Variants in ARMC9 observed in about 807,000 individuals in gnomAD.
ARMC9 encodes lisH domain-containing protein ARMC9.
Under a neutral mutation model 107.0 loss-of-function variants are expected in ARMC9, and 94 were observed. That is an observed-to-expected ratio of 0.88 (90% CI 0.74 to 1.04). The LOEUF (loss-of-function observed/expected upper bound fraction) is 1.04. ARMC9 is among the 50% of genes least tolerant of loss of function. The pLI is 0.00. For missense variants in ARMC9, 942 were observed against 1,030.1 expected (o/e 0.91, Z 1.17); for synonymous variants, 380 against 396.9 (o/e 0.96, Z 0.51).
At chr2:231,344,847 T>A in intron 20 of ARMC9, 128 bp from the exon 21 acceptor site, 1 of 973,576 alleles carries the variant, frequency 1.0e-6, no homozygotes, top group Non-Finnish European at 1.6e-6. Flanking sequence ...TGTGACATGA[T>A]CCTTCCTCAT....
At chr2:231,211,210 C>T (rs1574597043) in intron 3 of ARMC9, among the ~76,000 whole-genome samples, 1 of 152,050 alleles carries the variant, frequency 6.6e-6, no homozygotes, top group South Asian at 2.1e-4. Flanking sequence ...TTGCTTCCAC[C>T]TCTTGGCTAT....
intron 14 of ARMC9, among the ~76,000 whole-genome samples, chr2:231,275,191 G>A (rs989565389): frequency 2.0e-5 from 3 of 152,200 alleles, no homozygotes; most frequent in Admixed American, 1.3e-4. Context: ...CCAAGAGAGC[G>A]CAGTCTTCAC....
At chr2:231,203,463 C>T (rs904041433) in intron 1 of ARMC9, among the ~76,000 whole-genome samples, 2 of 152,144 alleles carry the variant, frequency 1.3e-5, no homozygotes, top group African/African-American at 4.8e-5. Context: ...TCATGGCTGG[C>T]GTGGCCTGAG....
rs139840414 is a variant in ARMC9 at position 231,371,921 on chromosome 2, C to T, written c.*386C>T. On this transcript the variant is annotated 3_prime_UTR_variant, in exon 25 of 25. Transcript: ENST00000611582. ...CCCCAACAGGGCGACAGTGTAGGGC[C>T]AGCCTGGAGCAGGGCTTTTCCAAGG... 6.0e-5 allele frequency: 12 copies of T among 201,230 alleles called. No homozygotes were observed. Among genetic ancestry groups the T allele is most frequent in the Non-Finnish European group, 1.2e-4 (12 of 100,480 alleles). The allele number at this position is 201,230 out of a possible 1,614,324, so 12.5% of individuals were successfully genotyped here.
Position 231,373,260 on chromosome 2 carries a change from G to A in ARMC9, c.*1725G>A, listed in dbSNP as rs991763002. 2.6e-5 allele frequency: 4 copies of A among 152,250 alleles called. No homozygotes were observed. Among genetic ancestry groups the A allele is most frequent in the Non-Finnish European group, 5.9e-5 (4 of 68,084 alleles). The allele number at this position is 152,250 out of a possible 1,614,324, so 9.4% of individuals were successfully genotyped here. On this transcript the variant is annotated 3_prime_UTR_variant, in exon 25 of 25. Transcript: ENST00000611582. This position sits in a 1 kb window ranked among gnomAD's most constrained non-coding sequence, Gnocchi z 4.4. ...AGGGTCCGCAAAATGCAACTCCTCC[G>A]TGGTGAGACTTTGAAAAGGTGTAGA...
At chr2:231,290,730 A>G (rs941923959) in intron 17 of ARMC9, among the ~76,000 whole-genome samples, 3 of 152,224 alleles carry the variant, frequency 2.0e-5, no homozygotes, top group Non-Finnish European at 4.4e-5. Flanking sequence ...TAGTGACTTT[A>G]TAATTCTTTT....
intron 2 of ARMC9, 43 bp from the exon 3 acceptor site, chr2:231,208,080 ATTAT>A (rs1423248314): frequency 1.2e-6 from 1 of 862,072 alleles, no homozygotes; most frequent in Non-Finnish European, 1.8e-6. Flanking sequence ...TTTTAATTGG[ATTAT>A]TTGTTTGTTT....
chr2:231,330,702 G>A (rs546097493), intron 19 of ARMC9, among the ~76,000 whole-genome samples: 2 of 152,316 alleles, frequency 1.3e-5, no homozygotes, highest in Admixed American at 6.5e-5. Flanking sequence ...CCTTGCTGGC[G>A]CAGGTGGGAG....
chr2:231,296,394 TC>T (rs2041368341), intron 19 of ARMC9, 141 bp downstream of exon 19: 2 of 783,516 alleles, frequency 2.6e-6, no homozygotes, highest in South Asian at 3.9e-5. Flanking sequence ...TGGCTAAAGC[TC>T]AGCTGGGTGG....
intron 15 of ARMC9, among the ~76,000 whole-genome samples, chr2:231,277,416 G>C (rs1029235246): frequency 3.3e-5 from 5 of 152,134 alleles, no homozygotes; most frequent in African/African-American, 1.2e-4. Flanking sequence ...AAGGCTCCCT[G>C]GGTAAACAGC....
intron 16 of ARMC9, among the ~76,000 whole-genome samples, chr2:231,280,252 C>T (rs187948509): frequency 1.1e-3 from 160 of 152,196 alleles, no homozygotes; most frequent in African/African-American, 3.7e-3. Flanking sequence ...GTCAGGAGTT[C>T]GAGACCAGCC....
At chr2:231,336,721 C>T (rs926481347) in intron 20 of ARMC9, among the ~76,000 whole-genome samples, 5 of 152,222 alleles carry the variant, frequency 3.3e-5, no homozygotes, top group African/African-American at 1.2e-4. Context: ...AGTGCAGGTT[C>T]CTGGCCCCAC....
At chr2:231,278,510 C>G in intron 16 of ARMC9, 52 bp downstream of exon 16, 3 of 1,542,560 alleles carry the variant, frequency 1.9e-6, no homozygotes, top group Non-Finnish European at 2.7e-6. Flanking sequence ...CACTGGGGAC[C>G]CAATGCCTGT....
chr2:231,225,034 A>G (rs145017441), intron 6 of ARMC9, among the ~76,000 whole-genome samples: 2,883 of 152,380 alleles, frequency 0.019, 49 homozygotes, highest in Middle Eastern at 0.041. Flanking sequence ...CCTTTGAAGC[A>G]TTTTAAGTAA....
chr2:231,327,282 A>G (rs1474299901), intron 19 of ARMC9, among the ~76,000 whole-genome samples: 1 of 152,298 alleles, frequency 6.6e-6, no homozygotes, highest in African/African-American at 2.4e-5. Flanking sequence ...TTTTTAATTC[A>G]AGATCAGAAC....
intron 20 of ARMC9, among the ~76,000 whole-genome samples, chr2:231,338,328 C>T (rs922483525): frequency 6.6e-6 from 1 of 151,132 alleles, no homozygotes. Context: ...ATGCAATTCT[C>T]GTGCCTCAGC....
Position 231,361,009 on chromosome 2 carries a change from G to T in ARMC9, c.2261+126G>T, listed in dbSNP as rs572617131. ...CTGAGGCCCAGCCTCTGACAGGGGAGGCTAAGGAGCAGTGTCAAGATTCCC... is the reference window on the plus strand; with the variant it reads ...CTGAGGCCCAGCCTCTGACAGGGGATGCTAAGGAGCAGTGTCAAGATTCCC... On this transcript the variant is annotated intron_variant, in intron 23 of 24. Coordinates refer to ENST00000611582, the MANE Select transcript of ARMC9 (RefSeq NM_001352754.2). 3 of 1,375,420 alleles carry T rather than the reference G, an allele frequency of 2.2e-6. No homozygotes were observed. In the African/African-American group the frequency reaches 4.4e-5, roughly 20 times the overall value. 85.2% of individuals were successfully genotyped at this position (1,375,420 alleles called of 1,614,324 possible).
intron 9 of ARMC9, 44 bp downstream of exon 9, chr2:231,240,085 C>T (rs551935600): frequency 1.4e-6 from 2 of 1,467,974 alleles, no homozygotes; most frequent in African/African-American, 2.8e-5. Flanking sequence ...GTCTATCCCC[C>T]CAAATTTAAA....
chr2:231,271,606 T>C (rs2039333729), intron 13 of ARMC9, among the ~76,000 whole-genome samples: 1 of 152,230 alleles, frequency 6.6e-6, no homozygotes, highest in Non-Finnish European at 1.5e-5. Context: ...TTATTTGAGC[T>C]CTTTATAATG....
Sources: allele counts gnomAD v4.1 joint callset (sites outside exome capture counted in the v4.1 genomes callset), GRCh38; gene constraint gnomAD v4.1.1; non-coding constraint Gnocchi (gnomAD v3.1); transcripts MANE v1.5; gene names NCBI Gene and HGNC (gene_info 2026-07-23, HGNC 2026-07-21).